The following AP5Z1 variants were observed in gnomAD, a reference collection of about 807,000 sequenced individuals.
AP5Z1 encodes adaptor related protein complex 5 subunit zeta 1.
In AP5Z1, 106 loss-of-function variants were observed where a neutral mutation model predicts 83.0. The ratio of observed to expected loss-of-function variants is 1.28; its 90% CI spans 1.09 to 1.50. The LOEUF is 1.50. AP5Z1 is among the 40% of genes most tolerant of loss of function. The pLI is 0.00. For missense variants in AP5Z1, 1,565 were observed against 1,094.2 expected, an observed-to-expected ratio of 1.43 and a Z score of -6.07; for synonymous variants, 751 against 514.1, an observed-to-expected ratio of 1.46 and a Z score of -6.23.
rs755024012 is a variant in AP5Z1, at chr7:4,784,200, C to T, written c.622-3C>T. Reference sequence around the variant, plus strand: ...CGCCCACTCCTGCCTGTCCTTCCCACAGCCGGGCCCCGTCACCGAGGTGGA... The same window carrying T: ...CGCCCACTCCTGCCTGTCCTTCCCATAGCCGGGCCCCGTCACCGAGGTGGA... On this transcript the variant is annotated splice_region_variant and splice_polypyrimidine_tract_variant and intron_variant, in intron 5 of 16. Transcript: ENST00000649063. 6.3e-6 allele frequency: 10 copies of T among 1,583,462 alleles called. No homozygotes were observed. In the African/African-American group the frequency reaches 1.3e-4, roughly 21 times the overall value.
Position 4,791,367 on chromosome 7 carries a change from C to A in AP5Z1, c.2406C>A (p.Ala802=). ...RTVSRLVERE[A]GLMPG ...TCAGCCGGCTGGTGGAGAGGGAGGC[C>A]GGCCTCATGCCAGGGTGAAGGGACA... Residue 802 remains alanine (A), a synonymous_variant, in exon 17 of 17, where the codon GCC becomes GCA. Coordinates refer to ENST00000649063, the MANE Select transcript of AP5Z1 (RefSeq NM_014855.3). 1 of 1,606,866 alleles carries A rather than the reference C, an allele frequency of 6.2e-7. No individual in the cohort carries two copies. The highest frequency in any genetic ancestry group is 8.5e-7 in the Non-Finnish European group (1 of 1,177,176).
intron 2 of AP5Z1, 110 bp downstream of exon 2, chr7:4,781,422 C>A: frequency 6.4e-7 from 1 of 1,562,884 alleles, no homozygotes; most frequent in Non-Finnish European, 8.7e-7. Flanking sequence ...GTCATTTGTC[C>A]ACTTAAACCA....
At chr7:4,779,132 ATATAT>A (rs1204101323) in intron 1 of AP5Z1, among the ~76,000 whole-genome samples, 7 of 144,898 alleles carry the variant, frequency 4.8e-5, no homozygotes, top group Non-Finnish European at 9.0e-5. Flanking sequence ...AGAGCATATT[ATATAT>A]TATATATAAC....
At position 4,784,453 on chromosome 7, in the gene AP5Z1, G is replaced by A. The variant is rs188026048; in HGVS notation, c.790+82G>A. ...TTGGTCGCAGGGGGACACGGGCGGA[G>A]GTGGGGGGACTCGGGTGTGCCCAGG... On this transcript the variant is annotated intron_variant, in intron 6 of 16. Transcript: ENST00000649063. 7.2e-4 allele frequency: 1,055 copies of A among 1,464,272 alleles called. 4 individuals carry two copies. The African/African-American group carries it at 0.013, about 18-fold the overall frequency. The allele number at this position is 1,464,272 out of a possible 1,614,324, so 90.7% of individuals were successfully genotyped here.
chr7:4,787,938 G>A (rs1005145716), intron 11 of AP5Z1, among the ~76,000 whole-genome samples, 162 bp downstream of exon 11: 7 of 152,084 alleles, frequency 4.6e-5, no homozygotes, highest in African/African-American at 7.2e-5. Context: ...AGGACAGGGT[G>A]TGTCTGTCAC....
At chr7:4,778,769 CAT>C (rs1781288411) in intron 1 of AP5Z1, among the ~76,000 whole-genome samples, 1 of 144,134 alleles carries the variant, frequency 6.9e-6, no homozygotes, top group Non-Finnish European at 1.5e-5. Context: ...TTATATATTA[CAT>C]ATATATTTAG....
chr7:4,788,973 C>T (rs753533070), intron 13 of AP5Z1, 22 bp downstream of exon 13: 3 of 1,599,356 alleles, frequency 1.9e-6, no homozygotes, highest in Non-Finnish European at 2.6e-6. Flanking sequence ...GCCTGGGGCC[C>T]CCCATTCCCA....
chr7:4,791,410 T>G lies in AP5Z1; in HGVS notation c.*25T>G. 1 of 1,587,370 alleles carries G rather than the reference T, an allele frequency of 6.3e-7. No homozygotes were observed. Among genetic ancestry groups the G allele is most frequent in the East Asian group, 2.3e-5 (1 of 43,828 alleles). On this transcript the variant is annotated 3_prime_UTR_variant, in exon 17 of 17. Transcript: ENST00000649063. ...AAGGGACAGTGGCCAGGGACTTCGG[T>G]GCAGATTAAGAGCCTGGGCAGCCAG...
chr7:4,779,323 CGTT>C (rs1317350206), intron 1 of AP5Z1, among the ~76,000 whole-genome samples: 2 of 145,724 alleles, frequency 1.4e-5, no homozygotes, highest in Non-Finnish European at 1.5e-5. Flanking sequence ...TAACATAACA[CGTT>C]ATATATGATA....
Position 4,791,487 on chromosome 7 carries a change from G to A in AP5Z1, c.*102G>A. 6.9e-7 allele frequency: 1 copy of A among 1,454,758 alleles called. No individual in the cohort carries two copies. Among genetic ancestry groups the A allele is most frequent in the Non-Finnish European group, 9.2e-7 (1 of 1,092,808 alleles). 90.1% of individuals were successfully genotyped at this position (1,454,758 alleles called of 1,614,324 possible). On this transcript the variant is annotated 3_prime_UTR_variant, in exon 17 of 17. Coordinates refer to ENST00000649063, the MANE Select transcript of AP5Z1 (RefSeq NM_014855.3). ...AGCTCAGGAGGGCGCGGGAGTCCTG[G>A]GAGAGGAGGCAAGGCCCACGGTGGG...
chr7:4,790,946 G>T, intron 16 of AP5Z1, 59 bp downstream of exon 16: 1 of 1,510,534 alleles, frequency 6.6e-7, no homozygotes, highest in Non-Finnish European at 8.9e-7. Context: ...GGTGGCTTCT[G>T]AGGTCTTCCC....
chr7:4,785,007 C>G lies in AP5Z1; in HGVS notation c.890C>G (p.Ala297Gly), dbSNP rs927793345. ...CCCCGGGAGCGGCTTCGGGAGGTGG[C>G]CTTCGAGTACTGCCAGCGCCTCATT... ...LPPRERLREV[A>G]FEYCQRLIEQ... The change falls in exon 7 of 17, where the codon GCC (alanine) becomes GGC (glycine). Residue 297 changes from alanine to glycine, a missense_variant. Transcript: ENST00000649063. The G allele has an allele frequency of 1.9e-6, 3 of 1,611,312 alleles. No individual in the cohort carries two copies. Among genetic ancestry groups the G allele is most frequent in the Middle Eastern group, 1.7e-4 (1 of 6,048 alleles).
At chr7:4,789,991 C>T (rs1270267309) in intron 14 of AP5Z1, 62 bp downstream of exon 14, 1 of 904,898 alleles carries the variant, frequency 1.1e-6, no homozygotes, top group Non-Finnish European at 1.5e-6. Context: ...TCCTCCCCCT[C>T]TCCCCTCCCC....
chr7:4,784,832 CT>C, intron 6 of AP5Z1, 75 bp from the exon 7 acceptor site: 3 of 1,523,844 alleles, frequency 2.0e-6, no homozygotes, highest in Non-Finnish European at 1.8e-6. Context: ...TCCTCCTGCC[CT>C]TCCAAGCAGG....
chr7:4,781,338 G>A (rs749332834), intron 2 of AP5Z1, 26 bp downstream of exon 2: 1 of 1,611,272 alleles, frequency 6.2e-7, no homozygotes, highest in Admixed American at 1.7e-5. Context: ...GCTCAGGCCG[G>A]CTCCTCACAC....
Position 4,793,803 on chromosome 7 carries a change from C to T in AP5Z1, c.*2418C>T, listed in dbSNP as rs1781866951. The T allele has an allele frequency of 6.5e-6, 1 of 153,234 alleles. No individual in the cohort carries two copies. The highest frequency in any genetic ancestry group is 2.0e-4 in the South Asian group (1 of 4,894). The allele number at this position is 153,234 out of a possible 1,614,324, so 9.5% of individuals were successfully genotyped here. The stretch of plus-strand genomic sequence containing the variant: ...GTGGGTTCCTGCGCAGTCCGAGCCT[C>T]CCCAACGAGTGTTGCCACCTGCTCA... On this transcript the variant is annotated 3_prime_UTR_variant, in exon 17 of 17. Transcript: ENST00000649063.
rs767910222 is a variant in AP5Z1 at position 4,789,940 on chromosome 7, C to T, written c.1805+11C>T. On this transcript the variant is annotated intron_variant, in intron 14 of 16. Coordinates refer to ENST00000649063, the MANE Select transcript of AP5Z1 (RefSeq NM_014855.3). ...TGCCGGTGTGCACAGGTAGGTCCCT[C>T]CTGCGCTCCTGCCACAGCCCTGGGC... 3.0e-4 allele frequency: 450 copies of T among 1,521,534 alleles called. No homozygotes were observed. Among genetic ancestry groups the T allele is most frequent in the Non-Finnish European group, 3.8e-4 (426 of 1,129,368 alleles). 94.3% of individuals were successfully genotyped at this position (1,521,534 alleles called of 1,614,324 possible).
At chr7:4,784,885 C>T (rs906464780) in intron 6 of AP5Z1, 23 bp from the exon 7 acceptor site, 2 of 1,601,618 alleles carry the variant, frequency 1.2e-6, no homozygotes, top group Admixed American at 1.7e-5. Context: ...CGTCAGCCTG[C>T]TGAGAGTTCC....
chr7:4,789,920 G>A lies in AP5Z1; in HGVS notation c.1796G>A (p.Gly599Asp), dbSNP rs1267508413. Residue 599 changes from glycine (G) to aspartate (D), a missense_variant, in exon 14 of 17, where the codon GGT becomes GAT. Physicochemically the swap from Gly to Asp is moderately conservative, Grantham distance 94. Transcript: ENST00000649063. ...TACCCGGCCCCAGGGTACGCTGCCG[G>A]TGTGCACAGGTAGGTCCCTCCTGCG... is the stretch of plus-strand genomic sequence containing the variant. Reference protein sequence around the residue: ...SLYPAPGYAAGVHSVLSSQFL... With the variant: ...SLYPAPGYAADVHSVLSSQFL... 1 of 1,544,750 alleles carries A rather than the reference G, an allele frequency of 6.5e-7. No individual in the cohort carries two copies. The highest frequency in any genetic ancestry group is 2.0e-5 in the Admixed American group (1 of 50,860).
Sources: allele counts gnomAD v4.1 joint callset (sites outside exome capture counted in the v4.1 genomes callset), GRCh38; gene constraint gnomAD v4.1.1; transcripts MANE v1.5; gene names NCBI Gene and HGNC (gene_info 2026-07-23, HGNC 2026-07-21).